Variants in PLCB4 observed in about 807,000 individuals in gnomAD.
PLCB4 encodes phospholipase C beta 4.
A neutral mutation model predicts 178.8 loss-of-function variants in PLCB4; 77 were observed. That is an observed-to-expected ratio of 0.43 (90% CI 0.36 to 0.52). The LOEUF (loss-of-function observed/expected upper bound fraction) is 0.52, where lower values mean the gene tolerates loss of function less well. Ranked by LOEUF, PLCB4 falls within the 20% of genes least tolerant of loss-of-function variation. The pLI, the probability that PLCB4 is intolerant of heterozygous loss-of-function variation, is 0.00. For synonymous variants in PLCB4, 496 were observed against 490.8 expected (o/e 1.01, Z -0.14); for missense variants, 1,024 against 1,453.4 (o/e 0.70, Z 4.80).
chr20:9,265,299 G>A (rs1487465380), intron 3 of PLCB4, among the ~76,000 whole-genome samples: 2 of 151,858 alleles, frequency 1.3e-5, no homozygotes, highest in African/African-American at 2.4e-5. Context: ...CCTGGCCAAC[G>A]TGGCAAAACC....
intron 1 of PLCB4, among the ~76,000 whole-genome samples, chr20:9,071,074 G>A (rs1004594833): frequency 6.6e-6 from 1 of 152,136 alleles, no homozygotes; most frequent in African/African-American, 2.4e-5. Flanking sequence ...TACATGTCCT[G>A]GAATCGTGAG....
At chr20:9,092,073 A>G (rs1462722801) in intron 1 of PLCB4, among the ~76,000 whole-genome samples, 1 of 152,178 alleles carries the variant, frequency 6.6e-6, no homozygotes, top group East Asian at 1.9e-4. Context: ...TCAGCTCTTC[A>G]GCCCTCGAGA....
At chr20:9,159,909 A>G (rs915895125) in intron 2 of PLCB4, among the ~76,000 whole-genome samples, 3 of 152,198 alleles carry the variant, frequency 2.0e-5, no homozygotes, top group African/African-American at 7.2e-5. Flanking sequence ...ATGGTCTTTT[A>G]CCGTTCAGTG....
intron 3 of PLCB4, among the ~76,000 whole-genome samples, chr20:9,257,280 T>C (rs1184574756): frequency 6.6e-6 from 1 of 152,226 alleles, no homozygotes; most frequent in Non-Finnish European, 1.5e-5. Context: ...TGTGTCTTTT[T>C]GCTTTAGTAG....
At chr20:9,218,970 A>T (rs1005423712) in intron 3 of PLCB4, among the ~76,000 whole-genome samples, 9 of 152,110 alleles carry the variant, frequency 5.9e-5, no homozygotes, top group Non-Finnish European at 1.0e-4. Context: ...TCTGTTTAAG[A>T]GTTGTATTAT....
intron 2 of PLCB4, among the ~76,000 whole-genome samples, chr20:9,153,687 A>G (rs932433016): frequency 6.6e-6 from 1 of 152,186 alleles, no homozygotes; most frequent in African/African-American, 2.4e-5. Flanking sequence ...GCCACAAGGG[A>G]AAGTCAAAGT....
In PLCB4 at chr20:9,371,298, A is replaced by G; in HGVS notation, c.585+3A>G. ...AGTTAGGTCTTCCCAGTGGAAAGGT[A>G]TGCATTAACTTAATAATGTATTTCT... On this transcript the variant is annotated splice_donor_region_variant and intron_variant, in intron 10 of 39. Transcript: ENST00000378473. 4 of 1,512,888 alleles carry G rather than the reference A, an allele frequency of 2.6e-6. No individual in the cohort carries two copies. Among genetic ancestry groups the G allele is most frequent in the Admixed American group, 3.4e-5 (2 of 59,420 alleles). The allele number at this position is 1,512,888 out of a possible 1,614,324, so 93.7% of individuals were successfully genotyped here.
chr20:9,123,830 T>C (rs1476557009), intron 2 of PLCB4, among the ~76,000 whole-genome samples: 1 of 151,936 alleles, frequency 6.6e-6, no homozygotes, highest in Non-Finnish European at 1.5e-5. Context: ...AGATCTATGT[T>C]GTATGTAGCT....
chr20:9,196,509 G>A (rs2093474288), intron 2 of PLCB4, among the ~76,000 whole-genome samples: 2 of 152,160 alleles, frequency 1.3e-5, no homozygotes, highest in African/African-American at 4.8e-5. Flanking sequence ...TCTGTTCCTA[G>A]AGGAATAAAG....
chr20:9,354,513 A>C lies in PLCB4; in HGVS notation c.370-8383A>C, dbSNP rs114835260. 5.5e-3 allele frequency among the ~76,000 whole-genome samples: 830 copies of C among 152,244 alleles called. 3 individuals are homozygous for C. Among genetic ancestry groups the C allele is most frequent in the African/African-American group, 0.019 (785 of 41,534 alleles). On this transcript the variant is annotated intron_variant, in intron 7 of 39. Transcript: ENST00000378473. ...ATGCAGATTACTGGGCCCTGCCCCC[A>C]AGTTGCTGATTCTGTAGATTTGGGA... is the stretch of plus-strand genomic sequence containing the variant.
intron 35 of PLCB4, among the ~76,000 whole-genome samples, chr20:9,463,896 C>T (rs2043581671): frequency 6.6e-6 from 1 of 152,076 alleles, no homozygotes; most frequent in Admixed American, 6.5e-5. Flanking sequence ...ATAAGATATC[C>T]AGGACTTGAA....
intron 33 of PLCB4, among the ~76,000 whole-genome samples, chr20:9,455,303 T>A (rs1172270110): frequency 2.0e-5 from 3 of 152,198 alleles, no homozygotes; most frequent in Admixed American, 6.5e-5. Flanking sequence ...CAGTTTTGGC[T>A]TAACCAAACC....
At chr20:9,203,741 C>G (rs996522055) in intron 2 of PLCB4, among the ~76,000 whole-genome samples, 4 of 151,190 alleles carry the variant, frequency 2.6e-5, no homozygotes, top group African/African-American at 9.7e-5. Flanking sequence ...ACTCCCAAAA[C>G]CACTCTATAT....
intron 2 of PLCB4, among the ~76,000 whole-genome samples, chr20:9,145,142 A>G (rs1410048397): frequency 1.3e-5 from 2 of 152,072 alleles, no homozygotes; most frequent in African/African-American, 4.8e-5. Flanking sequence ...AAGTGAGTGA[A>G]AACAAAAATA....
chr20:9,442,865 A>G (rs2042192918), intron 30 of PLCB4, among the ~76,000 whole-genome samples: 1 of 152,174 alleles, frequency 6.6e-6, no homozygotes, highest in South Asian at 2.1e-4. Flanking sequence ...CCACCCTATC[A>G]TTGAATGTGC....
chr20:9,355,418 A>G (rs570908560), intron 7 of PLCB4, among the ~76,000 whole-genome samples: 2 of 151,990 alleles, frequency 1.3e-5, no homozygotes, highest in Non-Finnish European at 2.9e-5. Flanking sequence ...AGCATTAGGT[A>G]TATCTCCTAA....
At chr20:9,373,002 G>A (rs2036378261) in intron 11 of PLCB4, 45 bp from the exon 12 acceptor site, 2 of 819,544 alleles carry the variant, frequency 2.4e-6, no homozygotes, top group Non-Finnish European at 2.1e-6. Flanking sequence ...ACATACTGTA[G>A]CATCATATAC....
At chr20:9,112,886 T>TTTA (rs2091632152) in intron 2 of PLCB4, among the ~76,000 whole-genome samples, 1 of 151,610 alleles carries the variant, frequency 6.6e-6, no homozygotes, top group Admixed American at 6.6e-5. Flanking sequence ...CTCTTGCCCT[T>TTTA]TTTAAAAAAA....
intron 10 of PLCB4, among the ~76,000 whole-genome samples, chr20:9,371,627 A>G (rs2036262048): frequency 6.6e-6 from 1 of 152,138 alleles, no homozygotes; most frequent in Non-Finnish European, 1.5e-5. Context: ...CACAGTTTTT[A>G]TTTTAGAGAA....
Sources: gnomAD v4.1 joint callset for allele counts (sites outside exome capture counted in the v4.1 genomes callset) on GRCh38, gnomAD v4.1.1 for gene constraint, MANE v1.5 for transcripts, NCBI Gene and HGNC (gene_info 2026-07-23, HGNC 2026-07-21) for gene names.